The following PPFIA2 variants were observed in gnomAD, a reference collection of about 807,000 sequenced individuals.
The protein encoded by PPFIA2 is liprin-alpha-2.
Under a neutral mutation model 175.5 loss-of-function variants are expected in PPFIA2, and 46 were observed. The observed-to-expected ratio is 0.26, with a 90% CI of 0.21 to 0.34. PPFIA2 has a LOEUF of 0.34. Among genes scored for constraint, PPFIA2 ranks in the 10% least tolerant of loss-of-function variants. PPFIA2 has a pLI of 1.00. For missense variants in PPFIA2, 1,179 were observed against 1,506.1 expected (o/e 0.78, Z 3.60); for synonymous variants, 568 against 511.4 (o/e 1.11, Z -1.49).
chr12:81,600,175 G>T (rs1440747479), intron 4 of PPFIA2, among the ~76,000 whole-genome samples: 1 of 151,880 alleles, frequency 6.6e-6, no homozygotes, highest in African/African-American at 2.4e-5. Context: ...ATATTAAATA[G>T]ATTTCTTCTG....
rs74377548 is a variant in PPFIA2, at chr12:81,426,276, C to T, written c.645+13696G>A. 4.8e-3 allele frequency among the ~76,000 whole-genome samples: 732 copies of T among 152,296 alleles called. 5 individuals are homozygous for T. The highest frequency in any genetic ancestry group is 0.015 in the African/African-American group (603 of 41,572). ...TAATACGTCCTGAGGATAACAGAAG[C>T]TCTGTGTTTGGAATCATCCTGGACT... On this transcript the variant is annotated intron_variant, in intron 7 of 32. Coordinates refer to ENST00000549396, the MANE Select transcript of PPFIA2 (RefSeq NM_003625.5).
chr12:81,443,845 C>CTTTTTTTTT lies in PPFIA2; in HGVS notation c.570+1702_570+1710dup, dbSNP rs1183160145. Among the ~76,000 whole-genome samples the CTTTTTTTTT allele has an allele frequency of 2.5e-4, 18 of 71,166 alleles. 2 individuals are homozygous for CTTTTTTTTT. The highest frequency in any genetic ancestry group is 2.7e-4 in the Non-Finnish European group (10 of 36,468). 46.7% of individuals were successfully genotyped at this position (71,166 alleles called of 152,430 possible). On this transcript the variant is annotated intron_variant, in intron 6 of 32. Coordinates refer to ENST00000549396, the MANE Select transcript of PPFIA2 (RefSeq NM_003625.5). ...ATACCTAGATCAAATGCCAACCTTT[C>CTTTTTTTTT]TTTTTTTTTTTTTTTTTTTTTTTTT...
At chr12:81,646,648 A>G (rs2066125512) in intron 4 of PPFIA2, among the ~76,000 whole-genome samples, 1 of 152,216 alleles carries the variant, frequency 6.6e-6, no homozygotes, top group Non-Finnish European at 1.5e-5. Flanking sequence ...ACATAGGCGC[A>G]GTCCATAAAA....
intron 3 of PPFIA2, among the ~76,000 whole-genome samples, chr12:81,717,042 A>T (rs533447365): frequency 6.6e-6 from 1 of 151,696 alleles, no homozygotes; most frequent in African/African-American, 2.4e-5. Context: ...TCCATGAGAT[A>T]GTGGGACAAC....
chr12:81,362,005 G>GTATCTATCTATC (rs5799523), intron 15 of PPFIA2, among the ~76,000 whole-genome samples: 27 of 147,470 alleles, frequency 1.8e-4, no homozygotes, highest in East Asian at 8.0e-4. Context: ...ATGTATCTAT[G>GTATCTATCTATC]TATCTATCTA....
intron 30 of PPFIA2, among the ~76,000 whole-genome samples, chr12:81,264,415 A>G (rs1212130791): frequency 2.0e-5 from 3 of 152,204 alleles, no homozygotes; most frequent in Non-Finnish European, 4.4e-5. Context: ...GAAAATATGA[A>G]TCATTCCACA....
At chr12:81,605,064 A>C (rs1047262100) in intron 4 of PPFIA2, among the ~76,000 whole-genome samples, 2 of 151,784 alleles carry the variant, frequency 1.3e-5, no homozygotes, top group African/African-American at 4.8e-5. Flanking sequence ...AAATACTTAG[A>C]GCCTATGCTT....
Position 81,259,223 on chromosome 12 carries a change from A to T in PPFIA2, c.*471T>A, listed in dbSNP as rs2034586837. 4.1e-6 allele frequency: 1 copy of T among 241,726 alleles called. No individual in the cohort carries two copies. Among genetic ancestry groups the T allele is most frequent in the African/African-American group, 2.3e-5 (1 of 42,688 alleles). 15.0% of individuals were successfully genotyped at this position (241,726 alleles called of 1,614,324 possible). A position where few individuals can be genotyped will look rare whatever the true frequency, so the allele number is the denominator to read the frequency against. ...AACTGTAAAAATGGTGGAATGGTAAAATACAAACAGTACTTGGAATTGTCA... is the reference window on the plus strand; with the variant it reads ...AACTGTAAAAATGGTGGAATGGTAATATACAAACAGTACTTGGAATTGTCA... On this transcript the variant is annotated 3_prime_UTR_variant, in exon 33 of 33. Coordinates refer to ENST00000549396, the MANE Select transcript of PPFIA2 (RefSeq NM_003625.5).
chr12:81,536,509 A>C (rs2065395711), intron 4 of PPFIA2, among the ~76,000 whole-genome samples: 1 of 151,316 alleles, frequency 6.6e-6, no homozygotes. Flanking sequence ...AGAAAATTAA[A>C]AAAAGAAAAC....
chr12:81,720,573 C>T (rs2079183224), intron 3 of PPFIA2, among the ~76,000 whole-genome samples: 1 of 151,386 alleles, frequency 6.6e-6, no homozygotes, highest in African/African-American at 2.4e-5. Context: ...TAAAGAACTG[C>T]ACCCTTCTAG....
At chr12:81,488,009 T>C (rs939678507) in intron 4 of PPFIA2, among the ~76,000 whole-genome samples, 3 of 151,950 alleles carry the variant, frequency 2.0e-5, no homozygotes, top group African/African-American at 4.8e-5. Flanking sequence ...CCATGTAATA[T>C]AGTTAGTTAG....
At chr12:81,708,122 T>C (rs1224129874) in intron 3 of PPFIA2, among the ~76,000 whole-genome samples, 1 of 151,406 alleles carries the variant, frequency 6.6e-6, no homozygotes, top group Non-Finnish European at 1.5e-5. Flanking sequence ...TGTATACATA[T>C]GTAACTAACC....
chr12:81,512,395 C>G (rs766834767), intron 4 of PPFIA2: 5 of 1,274,980 alleles, frequency 3.9e-6, no homozygotes, highest in Non-Finnish European at 5.1e-6. Context: ...ACCTTCTAAA[C>G]TTTGTGATGC....
At chr12:81,677,251 A>G (rs1013771917) in intron 3 of PPFIA2, among the ~76,000 whole-genome samples, 7 of 151,906 alleles carry the variant, frequency 4.6e-5, no homozygotes, top group Non-Finnish European at 1.0e-4. Flanking sequence ...AGTTGTACAT[A>G]TTTATGACAT....
intron 4 of PPFIA2, among the ~76,000 whole-genome samples, chr12:81,511,672 T>C (rs2061815739): frequency 6.6e-6 from 1 of 152,072 alleles, no homozygotes; most frequent in African/African-American, 2.4e-5. Context: ...TACATCAGTA[T>C]ATGGAACATA....
intron 4 of PPFIA2, among the ~76,000 whole-genome samples, chr12:81,535,981 A>T (rs1390111412): frequency 1.3e-5 from 2 of 151,762 alleles, no homozygotes; most frequent in Admixed American, 6.6e-5. Flanking sequence ...ACTTCATTAA[A>T]TCAGGCAGGT....
At chr12:81,286,121 G>A (rs1404237617) in intron 24 of PPFIA2, among the ~76,000 whole-genome samples, 2 of 151,998 alleles carry the variant, frequency 1.3e-5, no homozygotes, top group African/African-American at 4.8e-5. Flanking sequence ...AAAGCTTATA[G>A]GACAAGGATA....
At chr12:81,349,649 G>A (rs2059675588) in intron 17 of PPFIA2, among the ~76,000 whole-genome samples, 1 of 152,046 alleles carries the variant, frequency 6.6e-6, no homozygotes, top group African/African-American at 2.4e-5. Context: ...TTTTTCTGGT[G>A]AGATGTAACA....
chr12:81,273,003 T>C lies in PPFIA2; in HGVS notation c.3310+4314A>G, dbSNP rs182044704. Among the ~76,000 whole-genome samples the C allele has an allele frequency of 1.8e-3, 267 of 152,292 alleles. 3 individuals carry two copies. The highest frequency in any genetic ancestry group is 6.0e-3 in the African/African-American group (250 of 41,556). ...TAGACATAATAAATAGCCTGATCTG[T>C]TTAAGTTTACCCTAGTCCTACGGTG... On this transcript the variant is annotated intron_variant, in intron 28 of 32. Coordinates refer to ENST00000549396, the MANE Select transcript of PPFIA2 (RefSeq NM_003625.5).
Sources: allele counts gnomAD v4.1 joint callset (sites outside exome capture counted in the v4.1 genomes callset), GRCh38; gene constraint gnomAD v4.1.1; transcripts MANE v1.5; gene names NCBI Gene and HGNC (gene_info 2026-07-23, HGNC 2026-07-21).